The following SLC47A1 variants were observed in gnomAD, a reference collection of about 807,000 sequenced individuals.
SLC47A1 encodes the protein multidrug and toxin extrusion protein 1.
SLC47A1 carries 58 observed loss-of-function variants against 65.8 expected under a neutral mutation model. The ratio of observed to expected loss-of-function variants is 0.88; its 90% CI spans 0.71 to 1.10. SLC47A1 has a LOEUF of 1.10. Among genes scored for constraint, SLC47A1 ranks in the 50% least tolerant of loss-of-function variants. The pLI, the probability that SLC47A1 is intolerant of heterozygous loss-of-function variation, is 0.00. For missense variants in SLC47A1, 706 were observed against 719.2 expected (o/e 0.98, Z 0.21); for synonymous variants, 285 against 295.0 (o/e 0.97, Z 0.35).
chr17:19,565,667 G>A (rs1218305148), intron 12 of SLC47A1, among the ~76,000 whole-genome samples: 1 of 141,708 alleles, frequency 7.1e-6, no homozygotes, highest in Non-Finnish European at 1.5e-5. Context: ...TGCGAGCTCT[G>A]CCTCCCAGGT....
At chr17:19,559,571 G>A (rs564381609) in intron 10 of SLC47A1, among the ~76,000 whole-genome samples, 1 of 152,080 alleles carries the variant, frequency 6.6e-6, no homozygotes, top group Non-Finnish European at 1.5e-5. Flanking sequence ...TCACTCTGTC[G>A]CACAGGCTGG....
At chr17:19,570,301 T>G (rs1008725145) in intron 14 of SLC47A1, among the ~76,000 whole-genome samples, 2 of 152,134 alleles carry the variant, frequency 1.3e-5, no homozygotes, top group African/African-American at 4.8e-5. Flanking sequence ...ACAAGCAAAG[T>G]CTGTGTATTC....
intron 4 of SLC47A1, 133 bp downstream of exon 4, chr17:19,548,266 A>G (rs1916347432): frequency 1.8e-6 from 2 of 1,108,170 alleles, no homozygotes; most frequent in East Asian, 5.1e-5. Context: ...GACGTCTCCT[A>G]GGTCTTAGTA....
In SLC47A1 at chr17:19,549,697, G is replaced by C; in HGVS notation, c.498+20G>C. ...CTTCCTGTAAGTGCTCAAGGGCTAA[G>C]AGATTCCCTTCTTGGGGTCCGTGGG... On this transcript the variant is annotated intron_variant, in intron 5 of 16. Coordinates refer to ENST00000270570, the MANE Select transcript of SLC47A1 (RefSeq NM_018242.3). 1 of 1,614,010 alleles carries C rather than the reference G, an allele frequency of 6.2e-7. No individual in the cohort carries two copies. Among genetic ancestry groups the C allele is most frequent in the Non-Finnish European group, 8.5e-7 (1 of 1,179,858 alleles).
In SLC47A1 at chr17:19,538,694, C is replaced by T. The variant is rs556832260; in HGVS notation, c.136-3699C>T. The stretch of plus-strand genomic sequence containing the variant: ...TGCGAAACCTCCTGGGCTGTGCTTC[C>T]TCACATGTAAAAGAAGGGGGGCTGT... On this transcript the variant is annotated intron_variant, in intron 1 of 16. Transcript: ENST00000270570. 2.0e-5 allele frequency among the ~76,000 whole-genome samples: 3 copies of T among 152,274 alleles called. No homozygotes were observed. The East Asian group carries it at 5.8e-4, about 29-fold the overall frequency.
chr17:19,571,123 T>C (rs553095050), intron 14 of SLC47A1: 1 of 165,496 alleles, frequency 6.0e-6, no homozygotes, highest in South Asian at 2.0e-4. Context: ...AGGGCAGAAG[T>C]AGTTGGTCCT....
chr17:19,550,472 C>T (rs189716850), intron 5 of SLC47A1, among the ~76,000 whole-genome samples: 2 of 152,296 alleles, frequency 1.3e-5, no homozygotes, highest in Non-Finnish European at 2.9e-5. Flanking sequence ...CACACCACCA[C>T]GCCCAGCTAA....
chr17:19,567,306 A>C (rs1287859451), intron 14 of SLC47A1, 78 bp downstream of exon 14: 3 of 1,590,944 alleles, frequency 1.9e-6, no homozygotes, highest in Non-Finnish European at 2.6e-6. Context: ...CGGGTCTTTG[A>C]CTGAGGCTCA....
At chr17:19,562,529 C>A (rs903373492) in intron 12 of SLC47A1, among the ~76,000 whole-genome samples, 5 of 151,002 alleles carry the variant, frequency 3.3e-5, no homozygotes, top group African/African-American at 4.9e-5. Flanking sequence ...TGTGCCACTG[C>A]ACTCCAGCCT....
intron 12 of SLC47A1, among the ~76,000 whole-genome samples, chr17:19,565,802 C>T (rs2084352407): frequency 6.6e-6 from 1 of 151,904 alleles, no homozygotes; most frequent in African/African-American, 2.4e-5. Flanking sequence ...AGGATGGTCT[C>T]GATCTCCTGA....
Position 19,577,745 on chromosome 17 carries a change from A to T in SLC47A1, c.*192A>T, listed in dbSNP as rs2084452192. The T allele has an allele frequency of 7.1e-7, 1 of 1,409,592 alleles. No homozygotes were observed. Among genetic ancestry groups the T allele is most frequent in the African/African-American group, 1.4e-5 (1 of 69,190 alleles). 87.3% of individuals were successfully genotyped at this position (1,409,592 alleles called of 1,614,324 possible). On this transcript the variant is annotated 3_prime_UTR_variant, in exon 17 of 17. Coordinates refer to ENST00000270570, the MANE Select transcript of SLC47A1 (RefSeq NM_018242.3). ...AGGTTAAAAGCTATATTGTGGCCCA[A>T]GACACTGTCTGAAAGATGACATGAG...
chr17:19,571,998 A>C (rs1374233634), intron 15 of SLC47A1, among the ~76,000 whole-genome samples: 1 of 152,082 alleles, frequency 6.6e-6, no homozygotes, highest in African/African-American at 2.4e-5. Flanking sequence ...TGGTAGAAAA[A>C]TGAGATGAGT....
intron 7 of SLC47A1, 92 bp from the exon 8 acceptor site, chr17:19,555,501 G>A: frequency 7.1e-7 from 1 of 1,401,000 alleles, no homozygotes; most frequent in Non-Finnish European, 1.0e-6. Context: ...GCTGAGGACA[G>A]CACGGGAAGG....
Position 19,577,443 on chromosome 17 carries a change from G to C in SLC47A1, c.1603G>C (p.Ala535Pro). Residue 535 changes from alanine to proline, a missense_variant, in exon 17 of 17, where the codon GCT (alanine) becomes CCT (proline). Physicochemically the swap from Ala to Pro is conservative, Grantham distance 27 (BLOSUM62 -1). Transcript: ENST00000270570. ...EPLPEHPQDGAKLSRKQLVLR... is the reference protein window; with the variant it reads ...EPLPEHPQDGPKLSRKQLVLR... ...TTTGCCGGAACATCCACAGGACGGCGCTAAATTGTCCAGGAAACAGCTGGT... is the reference window on the plus strand; with the variant it reads ...TTTGCCGGAACATCCACAGGACGGCCCTAAATTGTCCAGGAAACAGCTGGT... The C allele has an allele frequency of 6.2e-7, 1 of 1,614,142 alleles. No homozygotes were observed. The highest frequency in any genetic ancestry group is 8.5e-7 in the Non-Finnish European group (1 of 1,180,016).
chr17:19,569,555 A>G (rs561432831), intron 14 of SLC47A1, among the ~76,000 whole-genome samples: 1 of 152,164 alleles, frequency 6.6e-6, no homozygotes, highest in African/African-American at 2.4e-5. Context: ...CTGGTATGGT[A>G]TGCAGTATAC....
rs200019467 is a variant in SLC47A1, at chr17:19,555,580, C to T, written c.642-13C>T. ...GGAAGGTACCTCCCTCTCATTGGGA[C>T]TGTTCTTTCCAGAGGCTCTGCACTG... is the stretch of plus-strand genomic sequence containing the variant. On this transcript the variant is annotated splice_polypyrimidine_tract_variant and intron_variant, in intron 7 of 16. Transcript: ENST00000270570. 579 of 1,613,322 alleles carry T rather than the reference C, an allele frequency of 3.6e-4. No homozygotes were observed. Among genetic ancestry groups the T allele is most frequent in the Non-Finnish European group, 4.7e-4 (553 of 1,179,288 alleles).
At chr17:19,542,735 G>T (rs941400877) in intron 2 of SLC47A1, among the ~76,000 whole-genome samples, 7 of 151,632 alleles carry the variant, frequency 4.6e-5, no homozygotes, top group Admixed American at 2.0e-4. Flanking sequence ...GGGGACATCT[G>T]GGGGGGCATT....
At chr17:19,560,154 T>C in intron 10 of SLC47A1, 34 bp from the exon 11 acceptor site, 2 of 1,489,542 alleles carry the variant, frequency 1.3e-6, no homozygotes, top group Non-Finnish European at 1.9e-6. Flanking sequence ...CTGCAGTTTC[T>C]CACTCATTGT....
intron 10 of SLC47A1, among the ~76,000 whole-genome samples, chr17:19,556,968 C>T (rs1207787340): frequency 6.6e-6 from 1 of 152,124 alleles, no homozygotes; most frequent in African/African-American, 2.4e-5. Flanking sequence ...TATTATTCAG[C>T]CTTAAAAGGG....
Sources: gnomAD v4.1 joint callset for allele counts (sites outside exome capture counted in the v4.1 genomes callset) on GRCh38, gnomAD v4.1.1 for gene constraint, MANE v1.5 for transcripts, NCBI Gene and HGNC (gene_info 2026-07-23, HGNC 2026-07-21) for gene names.